Variants in CTCF observed in about 807,000 individuals in gnomAD.
CTCF encodes CCCTC-binding factor.
A neutral mutation model predicts 72.3 loss-of-function variants in CTCF; 7 were observed. The observed-to-expected ratio is 0.10, with a 90% CI of 0.06 to 0.18. The LOEUF is 0.18. CTCF is among the 10% of genes least tolerant of loss of function. The pLI is 1.00. For synonymous variants in CTCF, 374 were observed against 315.8 expected (o/e 1.18, Z -1.95); for missense variants, 516 against 949.1 (o/e 0.54, Z 6.00).
chr16:67,606,756 G>GTTT (rs796220502), intron 2 of CTCF, among the ~76,000 whole-genome samples: 39 of 124,470 alleles, frequency 3.1e-4, no homozygotes, highest in African/African-American at 7.7e-4. Flanking sequence ...TTTGTTTTGG[G>GTTT]TTTTTTTTTT....
intron 2 of CTCF, among the ~76,000 whole-genome samples, chr16:67,578,078 T>C (rs1015286318): frequency 6.6e-6 from 1 of 152,178 alleles, no homozygotes. Flanking sequence ...TTAACAGGCA[T>C]GTACATATAA....
intron 2 of CTCF, among the ~76,000 whole-genome samples, chr16:67,601,808 T>C (rs2051895546): frequency 6.6e-6 from 1 of 152,042 alleles, no homozygotes; most frequent in African/African-American, 2.4e-5. Context: ...CTTCTTTTTC[T>C]ACCTGGTTTA....
intron 10 of CTCF, among the ~76,000 whole-genome samples, chr16:67,629,831 C>G (rs1245662365): frequency 8.3e-6 from 1 of 119,978 alleles, no homozygotes; most frequent in Non-Finnish European, 1.6e-5. Flanking sequence ...CTGGAGTGCA[C>G]TGGCGCGATC....
At chr16:67,634,408 A>G (rs555793743) in intron 10 of CTCF, among the ~76,000 whole-genome samples, 4 of 151,408 alleles carry the variant, frequency 2.6e-5, no homozygotes, top group East Asian at 3.9e-4. Flanking sequence ...GGGTTTCACC[A>G]TGTTGGCCTG....
intron 7 of CTCF, among the ~76,000 whole-genome samples, chr16:67,625,863 CCACTA>C (rs1171546286): frequency 1.4e-5 from 2 of 141,442 alleles, no homozygotes; most frequent in Non-Finnish European, 3.0e-5. Context: ...AAGCCCTCTT[CCACTA>C]TTCTTGTCTC....
At chr16:67,636,936 T>G (rs1597733505) in intron 11 of CTCF, 85 bp downstream of exon 11, 1 of 1,239,478 alleles carries the variant, frequency 8.1e-7, no homozygotes, top group South Asian at 2.0e-5. Flanking sequence ...TTTGGGGATG[T>G]GGGAACTAAG....
At chr16:67,636,507 C>T (rs2052430047) in intron 10 of CTCF, among the ~76,000 whole-genome samples, 183 bp from the exon 11 acceptor site, 1 of 147,364 alleles carries the variant, frequency 6.8e-6, no homozygotes, top group African/African-American at 2.5e-5. Context: ...GAGATCGCGC[C>T]ACTGCACTCC....
chr16:67,564,501 A>AC (rs966256624), intron 1 of CTCF, among the ~76,000 whole-genome samples: 1 of 152,156 alleles, frequency 6.6e-6, no homozygotes, highest in African/African-American at 2.4e-5. Flanking sequence ...TATTCCTGCC[A>AC]CCCCTCTTCC....
Position 67,621,533 on chromosome 16 carries a change from T to C in CTCF, c.1299T>C (p.Asn433=), listed in dbSNP as rs771418012. 4 of 1,613,456 alleles carry C rather than the reference T, an allele frequency of 2.5e-6. No individual in the cohort carries two copies. The South Asian group carries it at 4.4e-5, about 18-fold the overall frequency. Residue 433 remains asparagine, a synonymous_variant, in exon 7 of 12, where the codon AAT becomes AAC. Transcript: ENST00000264010. ...ACATTTTACAGAAGCACACAGAAAATGTGGCCAAATTTCACTGTCCCCACT... is the reference window on the plus strand; with the variant it reads ...ACATTTTACAGAAGCACACAGAAAACGTGGCCAAATTTCACTGTCCCCACT... ...KMHILQKHTE[N]VAKFHCPHCD... is the part of the protein sequence containing the mutation.
intron 7 of CTCF, among the ~76,000 whole-genome samples, chr16:67,622,137 A>G (rs1242544672): frequency 6.6e-6 from 1 of 152,090 alleles, no homozygotes; most frequent in Non-Finnish European, 1.5e-5. Flanking sequence ...CGGGTGGATC[A>G]CGAGGTCAGG....
intron 7 of CTCF, among the ~76,000 whole-genome samples, chr16:67,621,825 C>T (rs2052203231): frequency 6.9e-6 from 1 of 143,978 alleles, no homozygotes; most frequent in Non-Finnish European, 1.5e-5. Flanking sequence ...GAGTAAAACT[C>T]ATCTATAAAT....
chr16:67,610,990 A>T lies in CTCF; in HGVS notation c.158A>T (p.Asp53Val), dbSNP rs746346363. The change falls in exon 3 of 12, where the codon GAT becomes GTT. Residue 53 changes from aspartate (D) to valine (V), a missense_variant. Physicochemically the swap from Asp to Val is radical, Grantham distance 152 (BLOSUM62 -3). Around this residue, in one of 7 missense-constraint regions of CTCF, gnomAD observed 148 missense variants for 194.9 expected, o/e 0.76. Transcript: ENST00000264010. Reference sequence around the variant, plus strand: ...ACGGATGGGGGTGAGGTGGTCCAGGATGTCAACAGCAGTGTACAGATGGTG... The same window carrying T: ...ACGGATGGGGGTGAGGTGGTCCAGGTTGTCAACAGCAGTGTACAGATGGTG... ...NQTDGGEVVQDVNSSVQMVMM... is the reference protein window; with the variant it reads ...NQTDGGEVVQVVNSSVQMVMM... The T allele has an allele frequency of 1.2e-6, 2 of 1,603,770 alleles. No individual in the cohort carries two copies. The highest frequency in any genetic ancestry group is 1.3e-5 in the African/African-American group (1 of 74,752).
intron 1 of CTCF, among the ~76,000 whole-genome samples, chr16:67,569,461 G>T (rs2051384695): frequency 6.6e-6 from 1 of 152,158 alleles, no homozygotes; most frequent in African/African-American, 2.4e-5. Context: ...TGGGATTACA[G>T]GTGTGAGCCA....
At chr16:67,576,819 C>G (rs896659118) in intron 2 of CTCF, among the ~76,000 whole-genome samples, 1 of 151,888 alleles carries the variant, frequency 6.6e-6, no homozygotes, top group Non-Finnish European at 1.5e-5. Flanking sequence ...CGTGAGCCAC[C>G]GTGCCTGGCC....
chr16:67,590,330 A>G (rs1342678844), intron 2 of CTCF, among the ~76,000 whole-genome samples: 1 of 152,010 alleles, frequency 6.6e-6, no homozygotes, highest in Non-Finnish European at 1.5e-5. Context: ...AGCTGTTAGA[A>G]TAATTGTTTT....
intron 2 of CTCF, among the ~76,000 whole-genome samples, chr16:67,592,303 T>C (rs2051755655): frequency 6.6e-6 from 1 of 151,786 alleles, no homozygotes. Context: ...TCCCAGCTGC[T>C]CAGGAGGCTG....
intron 10 of CTCF, among the ~76,000 whole-genome samples, chr16:67,636,286 G>T (rs2052426436): frequency 6.6e-6 from 1 of 151,782 alleles, no homozygotes; most frequent in South Asian, 2.1e-4. Context: ...TGAGACAGGA[G>T]AATTAAACCC....
intron 2 of CTCF, among the ~76,000 whole-genome samples, chr16:67,580,526 A>T (rs942136262): frequency 2.6e-5 from 4 of 151,386 alleles, no homozygotes; most frequent in Middle Eastern, 3.4e-3. Flanking sequence ...TTATTTATGT[A>T]TTTTATTTTT....
chr16:67,584,304 G>A (rs1223286768), intron 2 of CTCF, among the ~76,000 whole-genome samples: 1 of 145,840 alleles, frequency 6.9e-6, no homozygotes, highest in Non-Finnish European at 1.5e-5. Flanking sequence ...CCTGGATGAC[G>A]AACGGAACTC....
Sources: allele counts gnomAD v4.1 joint callset (sites outside exome capture counted in the v4.1 genomes callset), GRCh38; gene constraint gnomAD v4.1.1; regional missense constraint gnomAD v4.1.1; transcripts MANE v1.5; gene names NCBI Gene and HGNC (gene_info 2026-07-23, HGNC 2026-07-21).